The following OSBPL3 variants were observed in gnomAD, a reference collection of about 807,000 sequenced individuals.
The protein encoded by OSBPL3 is oxysterol-binding protein-related protein 3.
OSBPL3 carries 65 observed loss-of-function variants against 120.1 expected under a neutral mutation model. The ratio of observed to expected loss-of-function variants is 0.54; its 90% CI spans 0.44 to 0.67. The LOEUF (loss-of-function observed/expected upper bound fraction) is 0.67, where lower values mean the gene tolerates loss of function less well. Ranked by LOEUF, OSBPL3 falls within the 30% of genes least tolerant of loss-of-function variation. The pLI is 0.00. For synonymous variants in OSBPL3, 416 were observed against 402.6 expected (o/e 1.03, Z -0.40); for missense variants, 1,004 against 1,082.1 (o/e 0.93, Z 1.01).
At chr7:24,911,087 A>G (rs1347631973) in intron 1 of OSBPL3, among the ~76,000 whole-genome samples, 2 of 152,238 alleles carry the variant, frequency 1.3e-5, no homozygotes, top group African/African-American at 4.8e-5. Flanking sequence ...TTTACTCCAC[A>G]GAACTGCCTT....
rs1006778889 is a variant in OSBPL3, at chr7:24,937,097, C to T, written c.-150+42789G>A. Among the ~76,000 whole-genome samples the T allele has an allele frequency of 6.6e-6, 1 of 152,192 alleles. No individual in the cohort carries two copies. The highest frequency in any genetic ancestry group is 6.5e-5 in the Admixed American group (1 of 15,280). On this transcript the variant is annotated intron_variant, in intron 1 of 22. Transcript: ENST00000313367. This position sits in a 1 kb window ranked among gnomAD's most constrained non-coding sequence, Gnocchi z 4.0. ...GGGGAAGCCTCAGGAAACTTACAAT[C>T]ATGGCAGAAGGGGAAGCAAACATGT... is the stretch of plus-strand genomic sequence containing the variant.
chr7:24,816,492 A>G, intron 18 of OSBPL3, 118 bp downstream of exon 18: 1 of 710,598 alleles, frequency 1.4e-6, no homozygotes, highest in South Asian at 1.6e-5. Context: ...CAGACAGATT[A>G]AAAGAAAAAA....
intron 1 of OSBPL3, among the ~76,000 whole-genome samples, chr7:24,962,255 A>G (rs1815834966): frequency 6.6e-6 from 1 of 151,924 alleles, no homozygotes; most frequent in Non-Finnish European, 1.5e-5. Flanking sequence ...GTGAGCCAAG[A>G]TCATGCCATT....
chr7:24,834,624 G>A lies in OSBPL3; in HGVS notation c.1608C>T (p.Ile536=), dbSNP rs371031134. The A allele has an allele frequency of 1.4e-5, 23 of 1,614,070 alleles. No homozygotes were observed. In the Admixed American group the frequency reaches 2.2e-4, roughly 15 times the overall value. ...ISLWNILRNN[I]GKDLSKVAMP... is the part of the protein sequence containing the mutation. ...TGGCCACCTTGGACAGGTCCTTCCC[G>A]ATGTTGTTCCTCAGGATGTTCCACA... The change falls in exon 15 of 23, where the codon ATC becomes ATT. Residue 536 remains isoleucine, a synonymous_variant. Coordinates refer to ENST00000313367, the MANE Select transcript of OSBPL3 (RefSeq NM_015550.4). The surrounding 1 kb of genome is among the most constrained non-coding windows in gnomAD (Gnocchi z 5.2).
chr7:24,893,320 C>T (rs1035853686), intron 1 of OSBPL3, among the ~76,000 whole-genome samples: 2 of 152,128 alleles, frequency 1.3e-5, no homozygotes, highest in Non-Finnish European at 2.9e-5. Flanking sequence ...CTGATACATG[C>T]TATAACATCA....
At position 24,930,379 on chromosome 7, in the gene OSBPL3, C is replaced by T. The variant is rs1049546512; in HGVS notation, c.-149-37758G>A. ...ACAAACAAATTTTATACTGCCTATCCAAGATTAAGATTACACTTAACAAAG... is the reference window on the plus strand; with the variant it reads ...ACAAACAAATTTTATACTGCCTATCTAAGATTAAGATTACACTTAACAAAG... On this transcript the variant is annotated intron_variant, in intron 1 of 22. Transcript: ENST00000313367. This position sits in a 1 kb window ranked among gnomAD's most constrained non-coding sequence, Gnocchi z 4.4. 4.6e-5 allele frequency among the ~76,000 whole-genome samples: 7 copies of T among 152,002 alleles called. No individual in the cohort carries two copies. The highest frequency in any genetic ancestry group is 2.0e-4 in the Admixed American group (3 of 15,260).
At chr7:24,897,477 T>C (rs890171393) in intron 1 of OSBPL3, among the ~76,000 whole-genome samples, 3 of 151,484 alleles carry the variant, frequency 2.0e-5, no homozygotes, top group Non-Finnish European at 2.9e-5. Flanking sequence ...AGGCGCCCGC[T>C]ACCACGCCCG....
chr7:24,899,380 T>C lies in OSBPL3; in HGVS notation c.-149-6759A>G, dbSNP rs924537220. Among the ~76,000 whole-genome samples, 9 of 151,890 alleles carry C rather than the reference T, an allele frequency of 5.9e-5. No homozygotes were observed. Among genetic ancestry groups the C allele is most frequent in the Non-Finnish European group, 1.0e-4 (7 of 68,006 alleles). The stretch of plus-strand genomic sequence containing the variant: ...TGTTCTTACTGGGACTGTCAGGTCA[T>C]AGGGATTTCTGAGAAGTTGGGCTTC... On this transcript the variant is annotated intron_variant, in intron 1 of 22. Transcript: ENST00000313367. The surrounding 1 kb of genome is among the most constrained non-coding windows in gnomAD (Gnocchi z 4.0).
intron 1 of OSBPL3, among the ~76,000 whole-genome samples, chr7:24,951,524 C>T (rs780255283): frequency 6.6e-5 from 10 of 152,136 alleles, no homozygotes; most frequent in Non-Finnish European, 1.5e-4. Flanking sequence ...GGAAAGAAAT[C>T]TGGTTTACAA....
intron 1 of OSBPL3, among the ~76,000 whole-genome samples, chr7:24,977,773 A>C (rs543478609): frequency 6.6e-6 from 1 of 152,268 alleles, no homozygotes; most frequent in African/African-American, 2.4e-5. Flanking sequence ...GGAGAATGGC[A>C]TGAACCCGGG....
At position 24,865,472 on chromosome 7, in the gene OSBPL3, C is replaced by T; in HGVS notation, c.550-7G>A. ...GCTTTGATATACTGCTACGCTGTTC[C>T]ACGGATGACAAAAGCACATTGTAAA... On this transcript the variant is annotated splice_polypyrimidine_tract_variant and splice_region_variant and intron_variant, in intron 6 of 22. Coordinates refer to ENST00000313367, the MANE Select transcript of OSBPL3 (RefSeq NM_015550.4). 1.2e-6 allele frequency: 2 copies of T among 1,612,596 alleles called. No individual in the cohort carries two copies. The highest frequency in any genetic ancestry group is 1.7e-6 in the Non-Finnish European group (2 of 1,179,254).
Position 24,804,251 on chromosome 7 carries a change from A to G in OSBPL3, c.2567+64T>C, listed in dbSNP as rs2285652. ...GGGACAGTACTGTTCACTTTCTGCA[A>G]ACCAGAAGCATAACGTGCTGGCACC... On this transcript the variant is annotated intron_variant, in intron 22 of 22. Coordinates refer to ENST00000313367, the MANE Select transcript of OSBPL3 (RefSeq NM_015550.4). The surrounding 1 kb of genome is among the most constrained non-coding windows in gnomAD (Gnocchi z 5.4). The G allele has an allele frequency of 0.019, 29,771 of 1,602,822 alleles. 1,568 individuals carry two copies. In the East Asian group the frequency reaches 0.19, roughly 10 times the overall value.
chr7:24,895,020 C>T (rs1159284927), intron 1 of OSBPL3, among the ~76,000 whole-genome samples: 2 of 152,184 alleles, frequency 1.3e-5, no homozygotes, highest in Admixed American at 6.5e-5. Flanking sequence ...AGAGGGGACC[C>T]GCAGCCCCTC....
rs1803358280 is a variant in OSBPL3 at position 24,879,588 on chromosome 7, T to C, written c.97-7519A>G. Among the ~76,000 whole-genome samples the C allele has an allele frequency of 1.3e-5, 2 of 152,188 alleles. No homozygotes were observed. The highest frequency in any genetic ancestry group is 2.1e-4 in the South Asian group (1 of 4,832). On this transcript the variant is annotated intron_variant, in intron 2 of 22. Transcript: ENST00000313367. The surrounding 1 kb of genome is among the most constrained non-coding windows in gnomAD (Gnocchi z 5.6). Reference sequence around the variant, plus strand: ...TGGGAGAATATTCATGCTGTCTTTGTGGTGAACCCTTGAGAAAGGGAAGGA... The same window carrying C: ...TGGGAGAATATTCATGCTGTCTTTGCGGTGAACCCTTGAGAAAGGGAAGGA...
At chr7:24,868,357 G>C (rs557564024) in intron 5 of OSBPL3, among the ~76,000 whole-genome samples, 3 of 149,292 alleles carry the variant, frequency 2.0e-5, no homozygotes, top group Admixed American at 1.3e-4. Flanking sequence ...GTGTGTGTGT[G>C]TGTGTGTGTG....
intron 19 of OSBPL3, among the ~76,000 whole-genome samples, chr7:24,814,621 AC>A (rs1205142339): frequency 6.6e-6 from 1 of 152,136 alleles, no homozygotes; most frequent in Non-Finnish European, 1.5e-5. Context: ...GAAGTTCTAT[AC>A]CCATTCAACA....
intron 16 of OSBPL3, among the ~76,000 whole-genome samples, chr7:24,823,315 T>C (rs78941772): frequency 2.4e-5 from 3 of 122,998 alleles, no homozygotes; most frequent in African/African-American, 7.7e-5. Flanking sequence ...AGTGAAAATA[T>C]ACTCATTTAA....
At chr7:24,977,144 G>C (rs1584780006) in intron 1 of OSBPL3, among the ~76,000 whole-genome samples, 1 of 152,180 alleles carries the variant, frequency 6.6e-6, no homozygotes, top group South Asian at 2.1e-4. Context: ...TTACTGTTCA[G>C]GGTTCATTTA....
rs1051246461 is a variant in OSBPL3, at chr7:24,824,482, C to T, written c.1885-4244G>A. Among the ~76,000 whole-genome samples, 9 of 152,174 alleles carry T rather than the reference C, an allele frequency of 5.9e-5. No individual in the cohort carries two copies. Among genetic ancestry groups the T allele is most frequent in the Non-Finnish European group, 1.2e-4 (8 of 68,026 alleles). ...TGCAACTGCTCCAAGGCATAACTATCCAGTCCTCCTAGGTCCTGATTTCCC... is the reference window on the plus strand; with the variant it reads ...TGCAACTGCTCCAAGGCATAACTATTCAGTCCTCCTAGGTCCTGATTTCCC... On this transcript the variant is annotated intron_variant, in intron 16 of 22. Coordinates refer to ENST00000313367, the MANE Select transcript of OSBPL3 (RefSeq NM_015550.4). This position sits in a 1 kb window ranked among gnomAD's most constrained non-coding sequence, Gnocchi z 4.9.
Sources: gnomAD v4.1 joint callset for allele counts (sites outside exome capture counted in the v4.1 genomes callset) on GRCh38, gnomAD v4.1.1 for gene constraint, Gnocchi (gnomAD v3.1) non-coding constraint, MANE v1.5 for transcripts, NCBI Gene and HGNC (gene_info 2026-07-23, HGNC 2026-07-21) for gene names.